The following EML1 variants were observed in gnomAD, a reference collection of about 807,000 sequenced individuals.
EML1 encodes the protein EMAP like 1.
Under a neutral mutation model 110.4 loss-of-function variants are expected in EML1, and 27 were observed. The ratio of observed to expected loss-of-function variants is 0.24; its 90% CI spans 0.18 to 0.34. The LOEUF is 0.34. EML1 is among the 10% of genes least tolerant of loss of function. The pLI, the probability that EML1 is intolerant of heterozygous loss-of-function variation, is 1.00. For synonymous variants in EML1, 344 were observed against 385.8 expected, an observed-to-expected ratio of 0.89 and a Z score of 1.27; for missense variants, 741 against 1,030.9, an observed-to-expected ratio of 0.72 and a Z score of 3.85.
chr14:99,939,331 A>G lies in EML1; in HGVS notation c.2322+4A>G. 6.2e-7 allele frequency: 1 copy of G among 1,614,166 alleles called. No individual in the cohort carries two copies. Among genetic ancestry groups the G allele is most frequent in the African/African-American group, 1.3e-5 (1 of 75,064 alleles). The stretch of plus-strand genomic sequence containing the variant: ...ATACCCCTGCTCGCAGTTCAGGGTA[A>G]AGGACTTGTTTCTTCACTAATCTTA... On this transcript the variant is annotated splice_donor_region_variant and intron_variant, in intron 21 of 21. Coordinates refer to ENST00000262233, the MANE Select transcript of EML1 (RefSeq NM_004434.3). This position sits in a 1 kb window ranked among gnomAD's most constrained non-coding sequence, Gnocchi z 4.2.
chr14:99,806,140 C>A (rs753917994), intron 1 of EML1, among the ~76,000 whole-genome samples: 1 of 152,066 alleles, frequency 6.6e-6, no homozygotes, highest in African/African-American at 2.4e-5. Flanking sequence ...GTTACAGAAT[C>A]CTAAACTGAA....
chr14:99,873,247 G>A (rs2059234600), intron 3 of EML1, among the ~76,000 whole-genome samples: 2 of 152,324 alleles, frequency 1.3e-5, no homozygotes, highest in Middle Eastern at 3.4e-3. Context: ...GGTACAAAAA[G>A]CGTTATTTAA....
At chr14:99,747,205 A>AAAAG (rs2057120838) in intron 1 of EML1, among the ~76,000 whole-genome samples, 1 of 150,870 alleles carries the variant, frequency 6.6e-6, no homozygotes, top group Non-Finnish European at 1.5e-5. Context: ...AAAAAAAAAA[A>AAAAG]AGGAAGAAAA....
At chr14:99,742,247 G>GCAAGAGGT (rs2057051926) in intron 1 of EML1, among the ~76,000 whole-genome samples, 1 of 152,204 alleles carries the variant, frequency 6.6e-6, no homozygotes, top group South Asian at 2.1e-4. Context: ...TCCCTGAGGA[G>GCAAGAGGT]CAAGAGGTGG....
intron 3 of EML1, among the ~76,000 whole-genome samples, chr14:99,874,583 T>C (rs2059258593): frequency 6.6e-6 from 1 of 152,244 alleles, no homozygotes; most frequent in Non-Finnish European, 1.5e-5. Flanking sequence ...GCAAATGTCT[T>C]GTCTTTAAGC....
chr14:99,936,640 G>A lies in EML1; in HGVS notation c.2095+306G>A, dbSNP rs974978072. On this transcript the variant is annotated intron_variant, in intron 19 of 21. Transcript: ENST00000262233. This position sits in a 1 kb window ranked among gnomAD's most constrained non-coding sequence, Gnocchi z 5.5. ...GGATGTGGCAGAAGGGGGCGGGTCCGGGTGGATGTGGCCGAAGTGGGTGGG... is the reference window on the plus strand; with the variant it reads ...GGATGTGGCAGAAGGGGGCGGGTCCAGGTGGATGTGGCCGAAGTGGGTGGG... 3.9e-5 allele frequency among the ~76,000 whole-genome samples: 6 copies of A among 152,032 alleles called. No individual in the cohort carries two copies. Among genetic ancestry groups the A allele is most frequent in the Non-Finnish European group, 7.4e-5 (5 of 67,976 alleles).
At chr14:99,824,198 G>C (rs145498165) in intron 1 of EML1, among the ~76,000 whole-genome samples, 3 of 152,102 alleles carry the variant, frequency 2.0e-5, no homozygotes, top group Non-Finnish European at 2.9e-5. Context: ...GACCTCAGGC[G>C]ATCCACCCGC....
At chr14:99,903,007 T>C (rs1436179504) in intron 9 of EML1, among the ~76,000 whole-genome samples, 1 of 152,206 alleles carries the variant, frequency 6.6e-6, no homozygotes, top group African/African-American at 2.4e-5. Context: ...AAAAACAAAT[T>C]CTTTACAATT....
intron 12 of EML1, among the ~76,000 whole-genome samples, chr14:99,911,124 C>G (rs2059938670): frequency 6.6e-6 from 1 of 152,120 alleles, no homozygotes; most frequent in Non-Finnish European, 1.5e-5. Context: ...AGCAATTTGT[C>G]CAGAGAAACA....
At chr14:99,793,292 G>A (rs1029351395), upstream of EML1, 13 of 975,308 alleles carry the variant, frequency 1.3e-5, no homozygotes, top group Non-Finnish European at 1.6e-5. Flanking sequence ...CGGAGCGGGC[G>A]CTGGGCTCGC....
At chr14:99,910,077 A>G (rs548974425) in intron 11 of EML1, among the ~76,000 whole-genome samples, 165 bp from the exon 12 acceptor site, 1 of 152,312 alleles carries the variant, frequency 6.6e-6, no homozygotes, top group East Asian at 1.9e-4. Context: ...GTTATGTAAT[A>G]GTAGACAGAA....
chr14:99,793,453 C>T lies in EML1; in HGVS notation c.-24C>T. 1 of 1,042,956 alleles carries T rather than the reference C, an allele frequency of 9.6e-7. No individual in the cohort carries two copies. Among genetic ancestry groups the T allele is most frequent in the South Asian group, 4.4e-5 (1 of 22,972 alleles). The allele number at this position is 1,042,956 out of a possible 1,614,324, so 64.6% of individuals were successfully genotyped here. ...GCGGCGGCGCGGCCGGGCCGGGGAG[C>T]GGGCGCGGCCCGGCGGCCTCAGCAT... On this transcript the variant is annotated 5_prime_UTR_variant, in exon 1 of 22. Coordinates refer to ENST00000262233, the MANE Select transcript of EML1 (RefSeq NM_004434.3).
chr14:99,902,760 T>A (rs2059782384), intron 9 of EML1, among the ~76,000 whole-genome samples: 1 of 152,194 alleles, frequency 6.6e-6, no homozygotes, highest in Non-Finnish European at 1.5e-5. Flanking sequence ...TTGGGTAAAT[T>A]CCTCTCCTCT....
intron 20 of EML1, among the ~76,000 whole-genome samples, chr14:99,938,665 G>A (rs1034418527): frequency 1.3e-5 from 2 of 152,228 alleles, no homozygotes; most frequent in Non-Finnish European, 2.9e-5. Flanking sequence ...CAGGGATGCA[G>A]AGCCTGGAGC....
In EML1 at chr14:99,815,404, G is replaced by C. The variant is rs112407762; in HGVS notation, c.67+21861G>C. Among the ~76,000 whole-genome samples, 132 of 152,180 alleles carry C rather than the reference G, an allele frequency of 8.7e-4. 1 individual carries two copies. The highest frequency in any genetic ancestry group is 3.0e-3 in the African/African-American group (125 of 41,534). ...GATCTGCTCGCCTCGGCTTCCCAAA[G>C]TGCCAAGATTACAGGTGTGAGCCAC... On this transcript the variant is annotated intron_variant, in intron 1 of 21. Coordinates refer to ENST00000262233, the MANE Select transcript of EML1 (RefSeq NM_004434.3).
At chr14:99,920,572 G>A (rs1321923378) in intron 16 of EML1, among the ~76,000 whole-genome samples, 2 of 152,222 alleles carry the variant, frequency 1.3e-5, no homozygotes, top group Non-Finnish European at 2.9e-5. Flanking sequence ...TAATGGCATA[G>A]TTTTGAATGC....
Position 99,894,666 on chromosome 14 carries a change from T to C in EML1, c.585T>C (p.Pro195=). The change falls in exon 6 of 22, where the codon CCT becomes CCC. Residue 195 remains proline (P), a synonymous_variant. Coordinates refer to ENST00000262233, the MANE Select transcript of EML1 (RefSeq NM_004434.3). ...TAAAAATGTTTCTTCGTGGACGCCC[T>C]GTTACCATGTACATGCCCAAAGATC... ...GYVKMFLRGR[P]VTMYMPKDQV... The C allele has an allele frequency of 6.2e-7, 1 of 1,613,618 alleles. No homozygotes were observed. Among genetic ancestry groups the C allele is most frequent in the Non-Finnish European group, 8.5e-7 (1 of 1,179,838 alleles).
At chr14:99,766,194 CTTT>C (rs34008528) in intron 1 of EML1, among the ~76,000 whole-genome samples, 4 of 129,870 alleles carry the variant, frequency 3.1e-5, no homozygotes, top group Admixed American at 8.0e-5. Flanking sequence ...TAAACTTTTA[CTTT>C]TTTTTTTTTT....
intron 1 of EML1, chr14:99,850,310 G>A (rs2058774454): frequency 7.8e-7 from 1 of 1,288,900 alleles, no homozygotes; most frequent in Non-Finnish European, 1.0e-6. Flanking sequence ...ACCCTGATAA[G>A]GAGTTGGAAA....
Sources: gnomAD v4.1 joint callset for allele counts (sites outside exome capture counted in the v4.1 genomes callset) on GRCh38, gnomAD v4.1.1 for gene constraint, Gnocchi (gnomAD v3.1) non-coding constraint, MANE v1.5 for transcripts, NCBI Gene and HGNC (gene_info 2026-07-23, HGNC 2026-07-21) for gene names.